LONP2: variants seen among roughly 807,000 people sequenced by gnomAD.
LONP2 encodes the protein lon protease homolog 2, peroxisomal.
In LONP2, 60 loss-of-function variants were observed where a neutral mutation model predicts 85.6. The ratio of observed to expected loss-of-function variants is 0.70; its 90% CI spans 0.57 to 0.87. LONP2 has a LOEUF of 0.87. Among genes scored for constraint, LONP2 ranks in the 40% least tolerant of loss-of-function variants. LONP2 has a pLI of 0.00. For synonymous variants in LONP2, 395 were observed against 389.7 expected, an observed-to-expected ratio of 1.01 and a Z score of -0.16; for missense variants, 860 against 1,063.5, an observed-to-expected ratio of 0.81 and a Z score of 2.66.
chr16:48,361,509 G>C (rs766290179), downstream of LONP2: 17 of 1,520,328 alleles, frequency 1.1e-5, no homozygotes, highest in Non-Finnish European at 1.5e-5. Flanking sequence ...TAGGTTGGCA[G>C]ACAGATGGGT....
chr16:48,334,629 C>T (rs1245176086), intron 12 of LONP2: 22 of 623,384 alleles, frequency 3.5e-5, no homozygotes, highest in Non-Finnish European at 5.4e-5. Context: ...TCCGTAATGC[C>T]ACCTCACAGG....
At chr16:48,299,593 AC>A in intron 9 of LONP2, 68 bp from the exon 10 acceptor site, 1 of 1,538,142 alleles carries the variant, frequency 6.5e-7, no homozygotes, top group Non-Finnish European at 8.8e-7. Context: ...AAAAAAAAAA[AC>A]AAAAAACAAA....
At chr16:48,361,627 C>A, downstream of LONP2, 1 of 1,612,956 alleles carries the variant, frequency 6.2e-7, no homozygotes, top group South Asian at 1.1e-5. Context: ...CCATTTTCTG[C>A]AAAAAGCTGT....
chr16:48,361,077 T>C (rs534644778), downstream of LONP2: 1 of 152,690 alleles, frequency 6.5e-6, no homozygotes, highest in East Asian at 1.9e-4. Flanking sequence ...ATTTATTTAA[T>C]GAAAAACTAA....
rs1960388335 is a variant in LONP2 at position 48,356,909 on chromosome 16, T to C, written c.*5107T>C. On this transcript the variant is annotated 3_prime_UTR_variant, in exon 15 of 15. Coordinates refer to ENST00000285737, the MANE Select transcript of LONP2 (RefSeq NM_031490.5). ...ACATGACAGTGCAAGCCTGTCAAAA[T>C]GTGACCCCAAAACCAGGTGTCCTTT... 6.4e-6 allele frequency: 1 copy of C among 155,884 alleles called. No homozygotes were observed. Among genetic ancestry groups the C allele is most frequent in the Non-Finnish European group, 1.4e-5 (1 of 70,130 alleles). 9.7% of individuals were successfully genotyped at this position (155,884 alleles called of 1,614,324 possible). A position where few individuals can be genotyped will look rare whatever the true frequency, so the allele number is the denominator to read the frequency against.
intron 1 of LONP2, among the ~76,000 whole-genome samples, chr16:48,251,643 G>A (rs1489073338): frequency 1.3e-5 from 2 of 152,170 alleles, no homozygotes; most frequent in Non-Finnish European, 2.9e-5. Flanking sequence ...GATAAGGTGG[G>A]TATGTGGAAG....
rs74017913 is a variant in LONP2, at chr16:48,319,751, C to T, written c.1796-14465C>T. 5.5e-3 allele frequency among the ~76,000 whole-genome samples: 840 copies of T among 152,286 alleles called. 6 individuals are homozygous for T. The highest frequency in any genetic ancestry group is 0.019 in the African/African-American group (789 of 41,560). On this transcript the variant is annotated intron_variant, in intron 11 of 14. Coordinates refer to ENST00000285737, the MANE Select transcript of LONP2 (RefSeq NM_031490.5). Reference sequence around the variant, plus strand: ...ATACCCATCACTATTGCCATATTCTCTTGGTCACACAGCCCAACCCTGGTA... The same window carrying T: ...ATACCCATCACTATTGCCATATTCTTTTGGTCACACAGCCCAACCCTGGTA...
At chr16:48,346,640 G>C (rs972662755) in intron 12 of LONP2, among the ~76,000 whole-genome samples, 7 of 152,130 alleles carry the variant, frequency 4.6e-5, no homozygotes, top group Middle Eastern at 3.4e-3. Flanking sequence ...AAAAATAAGA[G>C]GGTCTCACCA....
intron 10 of LONP2, 152 bp downstream of exon 10, chr16:48,299,940 C>T: frequency 2.9e-6 from 2 of 696,698 alleles, no homozygotes; most frequent in Non-Finnish European, 4.6e-6. Context: ...TATTGGCATC[C>T]CATAGCATCC....
intron 12 of LONP2, chr16:48,345,101 A>T (rs1959921502): frequency 6.6e-6 from 1 of 152,234 alleles, no homozygotes; most frequent in South Asian, 2.1e-4. Context: ...CACACCTGTA[A>T]TCCCAGCTAC....
chr16:48,348,224 T>C lies in LONP2; in HGVS notation c.2271T>C (p.Ser757=), dbSNP rs1301107690. ...TIVTCLASLF[S]GRLVRSDVAM... is the part of the protein sequence containing the mutation. ...TAACCTGTCTCGCCTCACTTTTTAG[T>C]GGGCGGCTGGTACGTTCAGATGTAG... is the stretch of plus-strand genomic sequence containing the variant. The change falls in exon 14 of 15, where the codon AGT becomes AGC. Residue 757 remains serine (S), a synonymous_variant. Transcript: ENST00000285737. 5 of 1,612,040 alleles carry C rather than the reference T, an allele frequency of 3.1e-6. No individual in the cohort carries two copies. The highest frequency in any genetic ancestry group is 4.2e-6 in the Non-Finnish European group (5 of 1,179,594).
chr16:48,333,065 A>G (rs985175322), intron 11 of LONP2, among the ~76,000 whole-genome samples: 5 of 152,254 alleles, frequency 3.3e-5, no homozygotes, highest in African/African-American at 1.2e-4. Context: ...AGTTAGAACA[A>G]TTACGGCAAA....
At chr16:48,317,015 C>T (rs1410643903) in intron 11 of LONP2, among the ~76,000 whole-genome samples, 2 of 152,112 alleles carry the variant, frequency 1.3e-5, no homozygotes, top group East Asian at 1.9e-4. Context: ...TGTCAGGACT[C>T]GTCAATTTCA....
chr16:48,321,800 T>C (rs991401646), intron 11 of LONP2, among the ~76,000 whole-genome samples: 1 of 152,246 alleles, frequency 6.6e-6, no homozygotes, highest in East Asian at 1.9e-4. Context: ...GCACTTACCA[T>C]GAATGGAGTT....
At chr16:48,303,113 CCTCT>C (rs776521659) in intron 10 of LONP2, 55 bp from the exon 11 acceptor site, 113 of 1,573,226 alleles carry the variant, frequency 7.2e-5, no homozygotes, top group Middle Eastern at 1.9e-4. Context: ...AATCACATTA[CCTCT>C]CTATTTTTTT....
chr16:48,249,849 T>C (rs1305119589), intron 1 of LONP2, among the ~76,000 whole-genome samples: 2 of 152,242 alleles, frequency 1.3e-5, no homozygotes, highest in Non-Finnish European at 2.9e-5. Flanking sequence ...ATCTCTTCAG[T>C]TTGGAACATC....
intron 4 of LONP2, 66 bp downstream of exon 4, chr16:48,258,806 A>G: frequency 2.1e-6 from 3 of 1,446,422 alleles, no homozygotes; most frequent in Non-Finnish European, 2.8e-6. Flanking sequence ...AGAGGAACAA[A>G]GAAGAAAAGT....
intron 11 of LONP2, among the ~76,000 whole-genome samples, chr16:48,330,953 A>C (rs1959421418): frequency 6.6e-6 from 1 of 152,198 alleles, no homozygotes; most frequent in Non-Finnish European, 1.5e-5. Flanking sequence ...AAAGGATTGG[A>C]TGTCCTAAAG....
intron 11 of LONP2, among the ~76,000 whole-genome samples, chr16:48,329,017 A>T (rs927317382): frequency 1.3e-5 from 2 of 152,178 alleles, no homozygotes; most frequent in African/African-American, 4.8e-5. Context: ...GTTCTAGGCC[A>T]CTAGGTGGTA....
Sources: gnomAD v4.1 joint callset for allele counts (sites outside exome capture counted in the v4.1 genomes callset) on GRCh38, gnomAD v4.1.1 for gene constraint, MANE v1.5 for transcripts, NCBI Gene and HGNC (gene_info 2026-07-23, HGNC 2026-07-21) for gene names.